Variants in PALM2AKAP2 observed in about 807,000 individuals in gnomAD.
PALM2AKAP2 encodes the protein PALM2-AKAP2 fusion protein.
A neutral mutation model predicts 71.5 loss-of-function variants in PALM2AKAP2; 37 were observed. That is an observed-to-expected ratio of 0.52 (90% CI 0.40 to 0.68). The LOEUF (loss-of-function observed/expected upper bound fraction) is 0.68, where lower values mean the gene tolerates loss of function less well. PALM2AKAP2 is among the 30% of genes least tolerant of loss of function. The pLI, the probability that PALM2AKAP2 is intolerant of heterozygous loss-of-function variation, is 0.00. For synonymous variants in PALM2AKAP2, 468 were observed against 478.8 expected (o/e 0.98, Z 0.29); for missense variants, 1,224 against 1,191.8 (o/e 1.03, Z -0.40).
At position 110,002,737 on chromosome 9, in the gene PALM2AKAP2, A is replaced by G. The variant is rs1005977733; in HGVS notation, c.497-13217A>G. ...TGTTATTGGTCTATTCAGAGATTCAACTTCTTCCTGGTTTAGTCTTGGGAG... is the reference window on the plus strand; with the variant it reads ...TGTTATTGGTCTATTCAGAGATTCAGCTTCTTCCTGGTTTAGTCTTGGGAG... On this transcript the variant is annotated intron_variant, in intron 6 of 9. Transcript: ENST00000302798. Among the ~76,000 whole-genome samples the G allele has an allele frequency of 7.2e-5, 11 of 152,180 alleles. No individual in the cohort carries two copies. The East Asian group carries it at 1.5e-3, about 21-fold the overall frequency.
At chr9:109,779,656 C>T (rs1444897129), upstream of PALM2AKAP2, among the ~76,000 whole-genome samples, 1 of 152,222 alleles carries the variant, frequency 6.6e-6, no homozygotes, top group Admixed American at 6.5e-5. Flanking sequence ...GGCCACATAT[C>T]GCCTCACCAG....
intron 6 of PALM2AKAP2, among the ~76,000 whole-genome samples, chr9:109,997,327 CTCA>C (rs1428164226): frequency 1.3e-5 from 2 of 152,086 alleles, no homozygotes; most frequent in Non-Finnish European, 2.9e-5. Context: ...TTGTGTCTAC[CTCA>C]TCATGTTGTA....
chr9:110,140,963 A>G (rs1262855493), intron 2 of PALM2AKAP2, among the ~76,000 whole-genome samples: 1 of 152,224 alleles, frequency 6.6e-6, no homozygotes, highest in African/African-American at 2.4e-5. Flanking sequence ...CAACAAATGA[A>G]TAATGGGGGG....
chr9:109,825,071 C>T (rs564253500), intron 1 of PALM2AKAP2, among the ~76,000 whole-genome samples: 40 of 152,244 alleles, frequency 2.6e-4, no homozygotes, highest in Non-Finnish European at 4.9e-4. Flanking sequence ...AAAGAATTTA[C>T]GAAACAAGAC....
chr9:110,100,051 CTATATATATATATATATATA>C (rs71373968), intron 1 of PALM2AKAP2, among the ~76,000 whole-genome samples: 1 of 109,464 alleles, frequency 9.1e-6, no homozygotes, highest in African/African-American at 3.2e-5. Context: ...GTATGTGTGT[CTATATATATATATATATATA>C]TATATATATA....
At chr9:110,061,235 A>G (rs1344101982) in intron 1 of PALM2AKAP2, among the ~76,000 whole-genome samples, 1 of 152,232 alleles carries the variant, frequency 6.6e-6, no homozygotes, top group Non-Finnish European at 1.5e-5. Context: ...ACTTGAACAA[A>G]TACAAATTAA....
intron 1 of PALM2AKAP2, among the ~76,000 whole-genome samples, chr9:109,833,700 G>A (rs999485001): frequency 6.6e-6 from 1 of 152,238 alleles, no homozygotes; most frequent in Non-Finnish European, 1.5e-5. Context: ...TACTTAGCAT[G>A]TCTGCCCTCC....
intron 1 of PALM2AKAP2, among the ~76,000 whole-genome samples, chr9:109,702,723 C>A (rs1828081131): frequency 6.8e-6 from 1 of 147,424 alleles, no homozygotes. Flanking sequence ...ATGTTGTGCA[C>A]ATGTGCCCTA....
chr9:110,066,007 T>G (rs1834071735), intron 1 of PALM2AKAP2, among the ~76,000 whole-genome samples: 1 of 152,234 alleles, frequency 6.6e-6, no homozygotes, highest in South Asian at 2.1e-4. Context: ...TTTTGAGAGG[T>G]TAATCCATCT....
intron 1 of PALM2AKAP2, among the ~76,000 whole-genome samples, chr9:109,864,506 C>T (rs1460766041): frequency 6.6e-6 from 1 of 152,220 alleles, no homozygotes; most frequent in Non-Finnish European, 1.5e-5. Context: ...TCCATCCTTA[C>T]TGCACAACCA....
chr9:109,894,234 A>G (rs552201465), intron 3 of PALM2AKAP2, among the ~76,000 whole-genome samples: 8 of 152,242 alleles, frequency 5.3e-5, no homozygotes, highest in East Asian at 1.9e-4. Flanking sequence ...GCTATTCGGA[A>G]GGCTGAGGCA....
chr9:110,095,706 A>T lies in PALM2AKAP2; in HGVS notation c.157-40421A>T, dbSNP rs555177264. ...TATATTGCATTAATTCTTCCCTTCC[A>T]TTGCCTCCTCCCCATCTTGTGCTAT... On this transcript the variant is annotated intron_variant, in intron 1 of 3. Transcript: ENST00000374525. Among the ~76,000 whole-genome samples, 6 of 152,252 alleles carry T rather than the reference A, an allele frequency of 3.9e-5. No individual in the cohort carries two copies. In the South Asian group the frequency reaches 1.2e-3, roughly 32 times the overall value.
intron 6 of PALM2AKAP2, among the ~76,000 whole-genome samples, chr9:109,981,142 T>C (rs967409841): frequency 5.3e-5 from 8 of 152,356 alleles, no homozygotes; most frequent in African/African-American, 1.9e-4. Flanking sequence ...TAGATTTGTG[T>C]AGGATACAGT....
chr9:109,661,118 G>A (rs184668137), intron 1 of PALM2AKAP2, among the ~76,000 whole-genome samples: 16 of 152,278 alleles, frequency 1.1e-4, no homozygotes, highest in East Asian at 3.9e-4. Flanking sequence ...TAGGTTGCCT[G>A]TTCATTCTGA....
chr9:109,678,212 C>G (rs529116522), intron 1 of PALM2AKAP2, among the ~76,000 whole-genome samples: 1 of 152,188 alleles, frequency 6.6e-6, no homozygotes, highest in Non-Finnish European at 1.5e-5. Context: ...GATTTTCTTA[C>G]AATACCCCTC....
chr9:109,925,881 C>T (rs1435331734), intron 5 of PALM2AKAP2, among the ~76,000 whole-genome samples: 8 of 152,094 alleles, frequency 5.3e-5, no homozygotes, highest in African/African-American at 1.9e-4. Context: ...TTGGAAAGAC[C>T]AGATATTGTC....
chr9:109,753,426 A>T (rs1015502647), intron 1 of PALM2AKAP2, among the ~76,000 whole-genome samples: 1 of 152,164 alleles, frequency 6.6e-6, no homozygotes, highest in African/African-American at 2.4e-5. Flanking sequence ...TTCCAAAAGC[A>T]TACTCGAGGA....
chr9:109,857,846 G>A (rs1313327068), intron 1 of PALM2AKAP2, among the ~76,000 whole-genome samples: 1 of 152,204 alleles, frequency 6.6e-6, no homozygotes, highest in Non-Finnish European at 1.5e-5. Flanking sequence ...TTACTATAAT[G>A]CCTGACATAG....
At chr9:110,156,733 G>T (rs1836467431) in intron 3 of PALM2AKAP2, among the ~76,000 whole-genome samples, 1 of 152,166 alleles carries the variant, frequency 6.6e-6, no homozygotes, top group African/African-American at 2.4e-5. Flanking sequence ...AGTATAGCTG[G>T]AGTCGACCAG....
Sources: gnomAD v4.1 joint callset for allele counts (sites outside exome capture counted in the v4.1 genomes callset) on GRCh38, gnomAD v4.1.1 for gene constraint, MANE v1.5 for transcripts, NCBI Gene and HGNC (gene_info 2026-07-23, HGNC 2026-07-21) for gene names.